The following RIF1 variants were observed in gnomAD, a reference collection of about 807,000 sequenced individuals.
RIF1 encodes the protein telomere-associated protein RIF1.
A neutral mutation model predicts 247.1 loss-of-function variants in RIF1; 45 were observed. The ratio of observed to expected loss-of-function variants is 0.18; its 90% CI spans 0.14 to 0.23. The LOEUF is 0.23. Among genes scored for constraint, RIF1 ranks in the 10% least tolerant of loss-of-function variants. RIF1 has a pLI of 1.00. For missense variants in RIF1, 2,967 were observed against 2,862.5 expected, an observed-to-expected ratio of 1.04 and a Z score of -0.83; for synonymous variants, 1,087 against 978.8, an observed-to-expected ratio of 1.11 and a Z score of -2.06.
chr2:151,493,676 C>A (rs749274458), intron 9 of RIF1: 17 of 1,013,984 alleles, frequency 1.7e-5, no homozygotes, highest in Non-Finnish European at 2.0e-5. Context: ...TTTAAAGATA[C>A]ACAAAAGTTT....
intron 11 of RIF1, among the ~76,000 whole-genome samples, chr2:151,499,920 T>G (rs537095240): frequency 3.3e-5 from 5 of 152,286 alleles, no homozygotes; most frequent in Non-Finnish European, 5.9e-5. Context: ...CTGGGCAATT[T>G]TGCCTAAATG....
intron 33 of RIF1, among the ~76,000 whole-genome samples, chr2:151,469,191 G>A (rs1468083326): frequency 6.6e-6 from 1 of 152,118 alleles, no homozygotes; most frequent in East Asian, 1.9e-4. Context: ...TTTCCTTGAT[G>A]TTTTAAGTCT....
the RIF1 span, chr2:151,514,934 G>A: frequency 9.2e-6 from 14 of 1,517,436 alleles, no homozygotes; most frequent in East Asian, 2.4e-5. Context: ...TCTTTCTAAT[G>A]TAAGTAGGAA....
At position 151,465,501 on chromosome 2, in the gene RIF1, C is replaced by T. The variant is rs960509069; in HGVS notation, c.5981C>T (p.Thr1994Ile). 1 of 1,613,914 alleles carries T rather than the reference C, an allele frequency of 6.2e-7. No homozygotes were observed. Among genetic ancestry groups the T allele is most frequent in the African/African-American group, 1.3e-5 (1 of 75,022 alleles). ...LNAQTEISEQ[T>I]AAGELDGGND... The stretch of plus-strand genomic sequence containing the variant: ...GCTCAAACTGAGATTTCTGAACAAA[C>T]AGCAGCTGGGGAACTAGATGGAGGA... Residue 1994 changes from threonine to isoleucine, a missense_variant, in exon 30 of 36, where the codon ACA becomes ATA. By Grantham distance (89) the Thr-to-Ile change is moderately conservative. Transcript: ENST00000444746.
chr2:151,504,514 G>T lies in RIF1; in HGVS notation c.*861+1329G>T, dbSNP rs2067243016. Among the ~76,000 whole-genome samples, 3 of 152,320 alleles carry T rather than the reference G, an allele frequency of 2.0e-5. No individual in the cohort carries two copies. In the South Asian group the frequency reaches 6.2e-4, roughly 32 times the overall value. ...ACCACAAGGAAATCTGTACCACAGA[G>T]TATAAGCAGAGAGTGAGAAGGGAAT... On this transcript the variant is annotated intron_variant and NMD_transcript_variant, in intron 12 of 13. Coordinates refer to the RIF1 transcript ENST00000454583.
chr2:151,417,623 A>G (rs1397992636), intron 6 of RIF1, among the ~76,000 whole-genome samples: 1 of 152,164 alleles, frequency 6.6e-6, no homozygotes, highest in Admixed American at 6.6e-5. Flanking sequence ...ATTATTTCCT[A>G]AACAGTACAG....
At chr2:151,413,191 T>C (rs1467760760) in intron 3 of RIF1, among the ~76,000 whole-genome samples, 4 of 151,938 alleles carry the variant, frequency 2.6e-5, no homozygotes, top group African/African-American at 7.3e-5. Flanking sequence ...TACGCCCAGC[T>C]ACTTTTTTTT....
chr2:151,464,755 A>C lies in RIF1; in HGVS notation c.5235A>C (p.Ser1745=). ...AAAAATCACAACCTCAGGAAAAGTCACTCATTGGGTTAAAGAATACAGAAA... is the reference window on the plus strand; with the variant it reads ...AAAAATCACAACCTCAGGAAAAGTCCCTCATTGGGTTAAAGAATACAGAAA... ...CGEKSQPQEK[S]LIGLKNTENN... is the part of the protein sequence containing the mutation. Residue 1745 remains serine (S), a synonymous_variant, in exon 30 of 36, where the codon TCA becomes TCC. Coordinates refer to ENST00000444746, the MANE Select transcript of RIF1 (RefSeq NM_018151.5). 6.2e-7 allele frequency: 1 copy of C among 1,613,796 alleles called. No individual in the cohort carries two copies.
chr2:151,494,560 C>G (rs892428333), intron 9 of RIF1, among the ~76,000 whole-genome samples: 1 of 152,124 alleles, frequency 6.6e-6, no homozygotes, highest in South Asian at 2.1e-4. Flanking sequence ...AGAGATGATC[C>G]AAACAGGAGT....
At chr2:151,513,193 A>G in the RIF1 span, among the ~76,000 whole-genome samples, 1 of 152,284 alleles carries the variant, frequency 6.6e-6, no homozygotes, top group African/African-American at 2.4e-5. Flanking sequence ...ATGCCTAAAA[A>G]CTGTTCTAAA....
At chr2:151,417,426 T>TG (rs1287156620) in intron 6 of RIF1, among the ~76,000 whole-genome samples, 5 of 152,228 alleles carry the variant, frequency 3.3e-5, no homozygotes. Flanking sequence ...CTCTGATTGA[T>TG]GCTAAGATTA....
chr2:151,486,392 A>C (rs911222251), downstream of RIF1: 5 of 159,708 alleles, frequency 3.1e-5, no homozygotes, highest in African/African-American at 7.2e-5. Context: ...TCCTTCATAA[A>C]CCACTGGTGG....
intron 10 of RIF1, chr2:151,496,501 A>C (rs1574950381): frequency 4.8e-6 from 7 of 1,447,464 alleles, no homozygotes; most frequent in Non-Finnish European, 6.5e-6. Flanking sequence ...TATGCTGACA[A>C]AATGCCACCA....
At chr2:151,457,235 A>G (rs528759090) in intron 23 of RIF1, among the ~76,000 whole-genome samples, 24 of 152,106 alleles carry the variant, frequency 1.6e-4, no homozygotes, top group Non-Finnish European at 3.1e-4. Flanking sequence ...TGATTCTCCC[A>G]CCATAGCCTC....
chr2:151,474,820 G>C (rs1187369581), intron 35 of RIF1, 37 bp from the exon 36 acceptor site: 1 of 1,197,040 alleles, frequency 8.4e-7, no homozygotes, highest in South Asian at 1.3e-5. Context: ...TTTTTGTCTG[G>C]TATAGATTTA....
the RIF1 span, among the ~76,000 whole-genome samples, chr2:151,515,327 G>A: frequency 2.6e-5 from 4 of 152,134 alleles, no homozygotes; most frequent in African/African-American, 4.8e-5. Context: ...GAAAAAAATC[G>A]CAGTGGAAGG....
chr2:151,464,286 T>C lies in RIF1; in HGVS notation c.4766T>C (p.Val1589Ala). ...GACATTCAAGATCAAGAAGAGAAAG[T>C]GGTGAAACAGGAATGTATAAAAGCT... ...SVDIQDQEEK[V>A]VKQECIKAEN... The change falls in exon 30 of 36, where the codon GTG becomes GCG. Residue 1589 changes from valine (V) to alanine (A), a missense_variant. By Grantham distance (64) the Val-to-Ala change is moderately conservative. Around this residue, in one of 7 missense-constraint regions of RIF1, gnomAD observed 2,028 missense variants for 1,825.6 expected, o/e 1.11. Coordinates refer to ENST00000444746, the MANE Select transcript of RIF1 (RefSeq NM_018151.5). 6.2e-7 allele frequency: 1 copy of C among 1,613,626 alleles called. No homozygotes were observed. The highest frequency in any genetic ancestry group is 8.5e-7 in the Non-Finnish European group (1 of 1,179,888).
downstream of RIF1, chr2:151,486,014 A>T: frequency 1.4e-6 from 2 of 1,404,924 alleles, no homozygotes. Flanking sequence ...AAGATCTCTC[A>T]TGACTGACTC....
At chr2:151,512,791 G>T (rs767053656), downstream of RIF1, 1 of 1,613,852 alleles carries the variant, frequency 6.2e-7, no homozygotes, top group South Asian at 1.1e-5. Context: ...ATCAACCACA[G>T]AAGTGAAATT....
Sources: allele counts gnomAD v4.1 joint callset (sites outside exome capture counted in the v4.1 genomes callset), GRCh38; gene constraint gnomAD v4.1.1; regional missense constraint gnomAD v4.1.1; transcripts MANE v1.5; gene names NCBI Gene and HGNC (gene_info 2026-07-23, HGNC 2026-07-21).